METTL21A: variants seen among roughly 807,000 people sequenced by gnomAD.
METTL21A encodes the protein methyltransferase 21A, HSPA lysine, also known as protein N-lysine methyltransferase METTL21A.
METTL21A carries 22 observed loss-of-function variants against 20.9 expected under a neutral mutation model. The ratio of observed to expected loss-of-function variants is 1.05; its 90% CI spans 0.75 to 1.50. The LOEUF (loss-of-function observed/expected upper bound fraction) is 1.50, where lower values mean the gene tolerates loss of function less well. Ranked by LOEUF, METTL21A falls within the 40% of genes most tolerant of loss-of-function variation. The pLI is 0.00. For missense variants in METTL21A, 271 were observed against 266.8 expected, an observed-to-expected ratio of 1.02 and a Z score of -0.11; for synonymous variants, 93 against 102.0, an observed-to-expected ratio of 0.91 and a Z score of 0.53.
chr2:207,615,933 C>A (rs2107100468), intron 3 of METTL21A, among the ~76,000 whole-genome samples: 1 of 151,486 alleles, frequency 6.6e-6, no homozygotes, highest in South Asian at 2.1e-4. Context: ...CCCAAACATA[C>A]AGAGAGGGTT....
At chr2:207,624,540 A>G (rs1338040521) in intron 1 of METTL21A, 136 bp from the exon 2 acceptor site, 5 of 740,888 alleles carry the variant, frequency 6.7e-6, no homozygotes, top group Middle Eastern at 4.1e-4. Context: ...CCTTTGTCCA[A>G]TTTCTTTTGC....
At chr2:207,602,583 A>AGG (rs1348813130) in intron 3 of METTL21A, 5 of 211,958 alleles carry the variant, frequency 2.4e-5, no homozygotes, top group Non-Finnish European at 3.8e-5. Context: ...ATTGGTAGGG[A>AGG]GGAAGAAAAT....
At chr2:207,594,224 T>C (rs745896803) in intron 3 of METTL21A, among the ~76,000 whole-genome samples, 2 of 152,188 alleles carry the variant, frequency 1.3e-5, no homozygotes, top group Non-Finnish European at 2.9e-5. Context: ...TCATTTTTAA[T>C]TGTGGTAAAA....
chr2:207,622,536 T>A (rs1037616552), intron 2 of METTL21A, among the ~76,000 whole-genome samples: 4 of 152,236 alleles, frequency 2.6e-5, no homozygotes, highest in African/African-American at 9.6e-5. Flanking sequence ...AGAACTGACA[T>A]GAACAATTTC....
At chr2:207,595,859 C>T (rs1298980256) in intron 3 of METTL21A, among the ~76,000 whole-genome samples, 2 of 152,244 alleles carry the variant, frequency 1.3e-5, no homozygotes, top group Non-Finnish European at 1.5e-5. Flanking sequence ...GTGAGCCATA[C>T]ACCTTGCCTA....
chr2:207,596,108 G>A (rs753519025), intron 3 of METTL21A, among the ~76,000 whole-genome samples: 12 of 152,114 alleles, frequency 7.9e-5, no homozygotes, highest in South Asian at 2.1e-4. Flanking sequence ...TAGGTCTTAC[G>A]GTTAGGTCTT....
rs114112087 is a variant in METTL21A at position 207,586,954 on chromosome 2, G to A, written c.260-4794C>T. Reference sequence around the variant, plus strand: ...GTTAGGAAGTATCATTAGTTAGAATGGCTATAATCAAAAAGACAAGAAGTA... The same window carrying A: ...GTTAGGAAGTATCATTAGTTAGAATAGCTATAATCAAAAAGACAAGAAGTA... On this transcript the variant is annotated intron_variant, in intron 3 of 3. Coordinates refer to the METTL21A transcript ENST00000425132. 1.1e-3 allele frequency among the ~76,000 whole-genome samples: 171 copies of A among 152,230 alleles called. 1 individual carries two copies. The highest frequency in any genetic ancestry group is 3.8e-3 in the African/African-American group (157 of 41,538).
downstream of METTL21A, chr2:207,580,845 C>T (rs1219866944): frequency 4.5e-6 from 1 of 220,480 alleles, no homozygotes. Context: ...GGTCTAGGAT[C>T]CTGGGCTAGA....
downstream of METTL21A, among the ~76,000 whole-genome samples, chr2:207,607,048 C>T (rs2088218057): frequency 1.3e-5 from 2 of 152,050 alleles, no homozygotes; most frequent in Admixed American, 1.3e-4. Context: ...TTTCATGAGT[C>T]AGTGTGAACT....
intron 3 of METTL21A, among the ~76,000 whole-genome samples, chr2:207,590,669 AT>A (rs2084863518): frequency 6.6e-6 from 1 of 152,052 alleles, no homozygotes. Context: ...GATAGTAAAT[AT>A]TTCAGGCTTT....
chr2:207,618,968 G>A (rs533428621), intron 3 of METTL21A, among the ~76,000 whole-genome samples: 1 of 152,168 alleles, frequency 6.6e-6, no homozygotes, highest in African/African-American at 2.4e-5. Flanking sequence ...TGTGACCTCA[G>A]GCAAGTTACT....
chr2:207,584,266 T>G (rs2083424291), intron 3 of METTL21A, among the ~76,000 whole-genome samples: 1 of 152,260 alleles, frequency 6.6e-6, no homozygotes, highest in East Asian at 1.9e-4. Context: ...CCATTTTATA[T>G]TCCCACCAGG....
chr2:207,597,997 A>G lies in METTL21A; in HGVS notation c.260-15837T>C, dbSNP rs764053538. ...CTCATTTACGTAAAAAGATATTTCT[A>G]ATTTACTGTTGCCCATTGCACTTAC... On this transcript the variant is annotated intron_variant, in intron 3 of 3. Transcript: ENST00000425132. 6.0e-4 allele frequency: 109 copies of G among 183,048 alleles called. 1 individual carries two copies. Among genetic ancestry groups the G allele is most frequent in the Non-Finnish European group, 1.1e-3 (95 of 86,192 alleles). The allele number at this position is 183,048 out of a possible 1,614,324, so 11.3% of individuals were successfully genotyped here. A position where few individuals can be genotyped will look rare whatever the true frequency, so the allele number is the denominator to read the frequency against.
rs929007051 is a variant in METTL21A, at chr2:207,616,538, CG to C, written c.260-3096del. 5.3e-5 allele frequency among the ~76,000 whole-genome samples: 8 copies of C among 152,280 alleles called. No homozygotes were observed. The East Asian group carries it at 9.7e-4, about 18-fold the overall frequency. The stretch of plus-strand genomic sequence containing the variant: ...TTCAAGTGAGAGATAGGCAGTAAGA[CG>C]TTTTTTAAAAAAACAGAATATCCGG... On this transcript the variant is annotated intron_variant, in intron 3 of 3. Coordinates refer to ENST00000406927, the Ensembl canonical transcript of METTL21A.
intron 3 of METTL21A, among the ~76,000 whole-genome samples, chr2:207,594,790 C>T (rs114536538): frequency 8.1e-4 from 123 of 152,100 alleles, no homozygotes; most frequent in African/African-American, 2.9e-3. Context: ...TTTGAGGAAC[C>T]TCCATTCCAT....
intron 2 of METTL21A, 55 bp downstream of exon 2, chr2:207,624,174 A>G: frequency 6.6e-7 from 1 of 1,515,900 alleles, no homozygotes; most frequent in East Asian, 2.3e-5. Flanking sequence ...AATAAAAAAT[A>G]AAAGCCAGTC....
chr2:207,607,526 C>G (rs2088298132), downstream of METTL21A, among the ~76,000 whole-genome samples: 1 of 150,652 alleles, frequency 6.6e-6, no homozygotes, highest in Admixed American at 6.6e-5. Flanking sequence ...AGTTTGCAAT[C>G]TAGTGTTCAG....
intron 3 of METTL21A, chr2:207,582,833 C>T: frequency 3.0e-6 from 1 of 329,800 alleles, no homozygotes; most frequent in South Asian, 2.3e-5. Flanking sequence ...GTGGAAGTTG[C>T]AGTGAGCTGA....
intron 3 of METTL21A, 84 bp from the exon 4 acceptor site, chr2:207,613,527 GTC>G: frequency 7.7e-7 from 1 of 1,296,916 alleles, no homozygotes; most frequent in South Asian, 1.5e-5. Flanking sequence ...AATGTAGAGT[GTC>G]TCTTAAATAT....
Sources: allele counts gnomAD v4.1 joint callset (sites outside exome capture counted in the v4.1 genomes callset), GRCh38; gene constraint gnomAD v4.1.1; transcripts MANE v1.5; gene names NCBI Gene and HGNC (gene_info 2026-07-23, HGNC 2026-07-21).